Variants in MAML3 observed in about 807,000 individuals in gnomAD.
The protein encoded by MAML3 is mastermind like transcriptional coactivator 3.
In MAML3, 27 loss-of-function variants were observed where a neutral mutation model predicts 101.9. That is an observed-to-expected ratio of 0.27 (90% CI 0.20 to 0.37). MAML3 has a LOEUF of 0.37. MAML3 is among the 10% of genes least tolerant of loss of function. The pLI, the probability that MAML3 is intolerant of heterozygous loss-of-function variation, is 1.00. For synonymous variants in MAML3, 501 were observed against 555.9 expected, an observed-to-expected ratio of 0.90 and a Z score of 1.39; for missense variants, 1,316 against 1,444.9, an observed-to-expected ratio of 0.91 and a Z score of 1.45.
chr4:140,078,248 T>C (rs974064380), intron 1 of MAML3, among the ~76,000 whole-genome samples: 1 of 149,842 alleles, frequency 6.7e-6, no homozygotes, highest in Non-Finnish European at 1.5e-5. Flanking sequence ...GATGTTTTGG[T>C]TTTAAGAAAA....
At chr4:140,095,298 G>A (rs1304556752) in intron 1 of MAML3, among the ~76,000 whole-genome samples, 1 of 152,158 alleles carries the variant, frequency 6.6e-6, no homozygotes, top group Non-Finnish European at 1.5e-5. Context: ...CACTGTCCAT[G>A]TTGGAGATCA....
chr4:139,807,328 C>G (rs1730719710), intron 2 of MAML3, among the ~76,000 whole-genome samples: 1 of 151,982 alleles, frequency 6.6e-6, no homozygotes, highest in African/African-American at 2.4e-5. Flanking sequence ...GAACTCCAAC[C>G]TAAGTGGACC....
At chr4:139,846,536 C>T (rs899812586) in intron 2 of MAML3, among the ~76,000 whole-genome samples, 7 of 151,982 alleles carry the variant, frequency 4.6e-5, no homozygotes, top group African/African-American at 9.7e-5. Context: ...TTTGCAGAGA[C>T]GGGGTTCTGC....
intron 1 of MAML3, among the ~76,000 whole-genome samples, chr4:139,950,214 G>C (rs772907925): frequency 6.6e-6 from 1 of 152,196 alleles, no homozygotes; most frequent in South Asian, 2.1e-4. Context: ...CTAATTTTTT[G>C]TATTTTTAGT....
At chr4:140,028,517 G>A (rs11725252) in intron 1 of MAML3, among the ~76,000 whole-genome samples, 86,360 of 151,716 alleles carry the variant, frequency 0.57, 25,623 homozygotes, top group African/African-American at 0.69. Flanking sequence ...ATATTTTGAG[G>A]AATTCATTAT....
chr4:140,120,134 G>A (rs1578694617), intron 1 of MAML3, among the ~76,000 whole-genome samples: 1 of 151,910 alleles, frequency 6.6e-6, no homozygotes, highest in Middle Eastern at 3.4e-3. Context: ...CTACTCGGGA[G>A]GCTGAGGCAG....
chr4:139,750,570 T>C (rs1461518687), intron 2 of MAML3, among the ~76,000 whole-genome samples: 1 of 152,200 alleles, frequency 6.6e-6, no homozygotes. Flanking sequence ...TTACGCCACA[T>C]GATGAAACTC....
At chr4:139,988,020 CAAAA>C (rs71593735) in intron 1 of MAML3, among the ~76,000 whole-genome samples, 26 of 31,436 alleles carry the variant, frequency 8.3e-4, no homozygotes, top group South Asian at 1.8e-3. Context: ...AACTCCGTCT[CAAAA>C]AAAAAAAAAA....
intron 1 of MAML3, among the ~76,000 whole-genome samples, chr4:140,036,815 T>G (rs1239643369): frequency 3.3e-5 from 5 of 152,210 alleles, no homozygotes; most frequent in Admixed American, 6.5e-5. Flanking sequence ...CCCAAAAGTT[T>G]GTCTCCTAGA....
chr4:140,043,313 A>G (rs1194417430), intron 1 of MAML3, among the ~76,000 whole-genome samples: 1 of 152,118 alleles, frequency 6.6e-6, no homozygotes, highest in Admixed American at 6.5e-5. Context: ...TCCCAAACAC[A>G]ATTCTTTTCC....
At chr4:139,886,001 C>T (rs376953389) in intron 2 of MAML3, among the ~76,000 whole-genome samples, 1 of 119,322 alleles carries the variant, frequency 8.4e-6, no homozygotes, top group African/African-American at 3.1e-5. Context: ...AATATAAGAA[C>T]AAAGAAATAA....
At chr4:140,093,906 T>A (rs746760581) in intron 1 of MAML3, among the ~76,000 whole-genome samples, 2 of 152,148 alleles carry the variant, frequency 1.3e-5, no homozygotes, top group African/African-American at 4.8e-5. Context: ...GGTCTGGCCG[T>A]CAGGTTGTCC....
chr4:139,978,152 G>A (rs1734380075), intron 1 of MAML3, among the ~76,000 whole-genome samples: 1 of 152,060 alleles, frequency 6.6e-6, no homozygotes, highest in Non-Finnish European at 1.5e-5. Context: ...CCTTCTCCTT[G>A]ACTCGGAAGC....
At chr4:139,898,982 T>G (rs1182586114) in intron 1 of MAML3, among the ~76,000 whole-genome samples, 1 of 152,236 alleles carries the variant, frequency 6.6e-6, no homozygotes, top group African/African-American at 2.4e-5. Flanking sequence ...ACTAGTGACC[T>G]GAGAACCTGT....
At chr4:139,877,836 T>G (rs1406069464) in intron 2 of MAML3, among the ~76,000 whole-genome samples, 4 of 152,210 alleles carry the variant, frequency 2.6e-5, no homozygotes, top group Non-Finnish European at 5.9e-5. Flanking sequence ...GTAAATAAGA[T>G]TTGATTATTT....
At chr4:139,841,770 T>C (rs1461848149) in intron 2 of MAML3, among the ~76,000 whole-genome samples, 1 of 152,154 alleles carries the variant, frequency 6.6e-6, no homozygotes, top group African/African-American at 2.4e-5. Flanking sequence ...TTGGTGCCAG[T>C]GACAGGAAGT....
chr4:140,102,889 G>A (rs1431458732), intron 1 of MAML3, among the ~76,000 whole-genome samples: 2 of 152,160 alleles, frequency 1.3e-5, no homozygotes, highest in Non-Finnish European at 2.9e-5. Context: ...GGCCACAGTA[G>A]GAAGTAAAGG....
At chr4:139,822,101 A>G (rs1363790631) in intron 2 of MAML3, among the ~76,000 whole-genome samples, 3 of 152,090 alleles carry the variant, frequency 2.0e-5, no homozygotes, top group African/African-American at 4.8e-5. Flanking sequence ...TACCATCATG[A>G]GCATCAGGAT....
intron 1 of MAML3, among the ~76,000 whole-genome samples, chr4:140,089,665 G>A (rs1728011980): frequency 1.3e-5 from 2 of 152,348 alleles, no homozygotes; most frequent in Middle Eastern, 3.4e-3. Context: ...CCTATTCTAT[G>A]ATGATATTCA....
Sources: gnomAD v4.1 joint callset for allele counts (sites outside exome capture counted in the v4.1 genomes callset) on GRCh38, gnomAD v4.1.1 for gene constraint, MANE v1.5 for transcripts, NCBI Gene and HGNC (gene_info 2026-07-23, HGNC 2026-07-21) for gene names.